SLC39A8: variants seen among roughly 807,000 people sequenced by gnomAD.
The protein encoded by SLC39A8 is metal cation symporter ZIP8.
In SLC39A8, 15 loss-of-function variants were observed where a neutral mutation model predicts 40.4. The ratio of observed to expected loss-of-function variants is 0.37; its 90% CI spans 0.25 to 0.57. The LOEUF is 0.57. SLC39A8 is among the 20% of genes least tolerant of loss of function. The pLI, the probability that SLC39A8 is intolerant of heterozygous loss-of-function variation, is 0.75. For missense variants in SLC39A8, 472 were observed against 558.8 expected, an observed-to-expected ratio of 0.84 and a Z score of 1.57; for synonymous variants, 223 against 221.6, an observed-to-expected ratio of 1.01 and a Z score of -0.06.
chr4:102,274,417 G>A (rs535312752), intron 6 of SLC39A8, among the ~76,000 whole-genome samples: 1 of 152,192 alleles, frequency 6.6e-6, no homozygotes, highest in South Asian at 2.1e-4. Context: ...CAATGAAGAG[G>A]AACAAGCAAA....
chr4:102,264,836 C>T (rs143340139), intron 8 of SLC39A8, among the ~76,000 whole-genome samples: 30 of 152,328 alleles, frequency 2.0e-4, no homozygotes, highest in African/African-American at 7.0e-4. Context: ...GAATACACCT[C>T]TGCTAATGTC....
chr4:102,270,737 C>T (rs1244428551), intron 6 of SLC39A8, among the ~76,000 whole-genome samples: 2 of 152,018 alleles, frequency 1.3e-5, no homozygotes, highest in Non-Finnish European at 2.9e-5. Flanking sequence ...CTTGTAACAC[C>T]TTTCACTTAG....
At chr4:102,284,135 C>T (rs186734901) in intron 6 of SLC39A8, among the ~76,000 whole-genome samples, 9 of 152,234 alleles carry the variant, frequency 5.9e-5, no homozygotes, top group Admixed American at 5.9e-4. Flanking sequence ...GTATGGGGTA[C>T]AACTATAATT....
downstream of SLC39A8, among the ~76,000 whole-genome samples, chr4:102,260,462 C>T (rs975082915): frequency 1.3e-5 from 2 of 152,144 alleles, no homozygotes; most frequent in East Asian, 3.9e-4. Flanking sequence ...TGAGTTTGAA[C>T]TTTTTGCCTT....
At chr4:102,327,123 A>G (rs1368402338) in intron 2 of SLC39A8, among the ~76,000 whole-genome samples, 1 of 152,140 alleles carries the variant, frequency 6.6e-6, no homozygotes, top group Non-Finnish European at 1.5e-5. Flanking sequence ...TTAGCTAAGC[A>G]TGATGGTGCA....
intron 2 of SLC39A8, among the ~76,000 whole-genome samples, chr4:102,334,004 C>G (rs1257724388): frequency 2.0e-5 from 3 of 152,050 alleles, no homozygotes; most frequent in Non-Finnish European, 4.4e-5. Flanking sequence ...AGCGGTGAGG[C>G]CTGAGAAGCA....
chr4:102,293,196 T>C (rs1205860774), intron 6 of SLC39A8, among the ~76,000 whole-genome samples: 1 of 151,940 alleles, frequency 6.6e-6, no homozygotes, highest in East Asian at 1.9e-4. Context: ...AGCTGTAATA[T>C]AGAAAAAGAA....
At chr4:102,328,559 A>T (rs1295473312) in intron 2 of SLC39A8, among the ~76,000 whole-genome samples, 1 of 152,218 alleles carries the variant, frequency 6.6e-6, no homozygotes, top group Non-Finnish European at 1.5e-5. Context: ...TTTATCAGTT[A>T]AAAAGGTTGA....
intron 3 of SLC39A8, among the ~76,000 whole-genome samples, chr4:102,312,952 C>T (rs573020238): frequency 2.1e-4 from 32 of 152,152 alleles, no homozygotes; most frequent in African/African-American, 7.5e-4. Context: ...AAAGCGTTTG[C>T]TGAATTTACT....
intron 6 of SLC39A8, among the ~76,000 whole-genome samples, chr4:102,288,942 T>C (rs781290457): frequency 6.6e-6 from 1 of 152,142 alleles, no homozygotes; most frequent in African/African-American, 2.4e-5. Flanking sequence ...ACTAAAATCA[T>C]TGATGAAGGT....
At chr4:102,304,105 T>G (rs1277368022) in intron 6 of SLC39A8, among the ~76,000 whole-genome samples, 1 of 151,836 alleles carries the variant, frequency 6.6e-6, no homozygotes, top group Non-Finnish European at 1.5e-5. Flanking sequence ...AGAACAGTGA[T>G]CCACAATTTC....
intron 6 of SLC39A8, among the ~76,000 whole-genome samples, chr4:102,272,366 G>C (rs1298748624): frequency 6.6e-6 from 1 of 151,788 alleles, no homozygotes; most frequent in African/African-American, 2.4e-5. Flanking sequence ...GTGAACCCGG[G>C]AGACAGAGCT....
intron 2 of SLC39A8, among the ~76,000 whole-genome samples, chr4:102,337,774 G>T (rs1013346346): frequency 1.3e-5 from 2 of 152,054 alleles, no homozygotes; most frequent in African/African-American, 4.8e-5. Flanking sequence ...GAACTGAAAG[G>T]TTTCATACTA....
chr4:102,330,176 A>C (rs1735389952), intron 2 of SLC39A8, among the ~76,000 whole-genome samples: 1 of 152,220 alleles, frequency 6.6e-6, no homozygotes, highest in Non-Finnish European at 1.5e-5. Context: ...AGATCAGAGC[A>C]GAACTGAAGG....
In SLC39A8 at chr4:102,307,456, T is replaced by G. The variant is rs745816619; in HGVS notation, c.532A>C (p.Ile178Leu). The change falls in exon 4 of 9, where the codon ATT becomes CTT. Residue 178 changes from isoleucine (I) to leucine (L), a missense_variant. Coordinates refer to ENST00000356736, the MANE Select transcript of SLC39A8 (RefSeq NM_001135146.2). Reference protein sequence around the residue: ...LAIGTLFSNAIFQLIPEAFGF... With the variant: ...LAIGTLFSNALFQLIPEAFGF... ...CTTACCTCTGGAATAAGTTGGAAAA[T>G]TGCATTTGAAAAAAGAGTCCCAATA... is the stretch of plus-strand genomic sequence containing the variant. The G allele has an allele frequency of 2.9e-5, 47 of 1,613,106 alleles. No individual in the cohort carries two copies. Among genetic ancestry groups the G allele is most frequent in the Non-Finnish European group, 3.8e-5 (45 of 1,179,528 alleles).
chr4:102,310,902 G>A (rs142848834), intron 3 of SLC39A8, among the ~76,000 whole-genome samples: 1 of 152,220 alleles, frequency 6.6e-6, no homozygotes, highest in African/African-American at 2.4e-5. Context: ...ACTGTCCACT[G>A]TGTAAGATTC....
intron 2 of SLC39A8, among the ~76,000 whole-genome samples, chr4:102,323,516 T>A (rs186326098): frequency 6.6e-6 from 1 of 152,220 alleles, no homozygotes; most frequent in Admixed American, 6.5e-5. Flanking sequence ...GAGAGATCAG[T>A]AACGCAAATG....
At chr4:102,287,692 CAAAT>C (rs990002440) in intron 6 of SLC39A8, among the ~76,000 whole-genome samples, 1 of 151,976 alleles carries the variant, frequency 6.6e-6, no homozygotes, top group Non-Finnish European at 1.5e-5. Context: ...AATTTCTAGT[CAAAT>C]AAATATGAAT....
chr4:102,289,088 T>C (rs920673413), intron 6 of SLC39A8, among the ~76,000 whole-genome samples: 68 of 152,288 alleles, frequency 4.5e-4, no homozygotes, highest in African/African-American at 1.5e-3. Flanking sequence ...CTGACTCTCT[T>C]GTTTGGGGTT....
Sources: gnomAD v4.1 joint callset for allele counts (sites outside exome capture counted in the v4.1 genomes callset) on GRCh38, gnomAD v4.1.1 for gene constraint, MANE v1.5 for transcripts, NCBI Gene and HGNC (gene_info 2026-07-23, HGNC 2026-07-21) for gene names.